Variants in CHD6 observed in about 807,000 individuals in gnomAD.
CHD6 encodes ATP-dependent chromatin remodeler CHD6.
In CHD6, 50 loss-of-function variants were observed where a neutral mutation model predicts 276.9. That is an observed-to-expected ratio of 0.18 (90% CI 0.14 to 0.23). CHD6 has a LOEUF of 0.23. Ranked by LOEUF, CHD6 falls within the 10% of genes least tolerant of loss-of-function variation. The pLI is 1.00. For missense variants in CHD6, 2,564 were observed against 3,365.8 expected, an observed-to-expected ratio of 0.76 and a Z score of 5.89; for synonymous variants, 1,173 against 1,229.3, an observed-to-expected ratio of 0.95 and a Z score of 0.96.
chr20:41,447,122 C>G (rs983620945), intron 24 of CHD6, among the ~76,000 whole-genome samples: 3 of 152,186 alleles, frequency 2.0e-5, no homozygotes, highest in Admixed American at 6.5e-5. Flanking sequence ...GTCGGGTTGT[C>G]TATGTCCCTC....
chr20:41,473,746 C>A lies in CHD6; in HGVS notation c.2469-229G>T, dbSNP rs1293615536. 2.0e-5 allele frequency among the ~76,000 whole-genome samples: 3 copies of A among 151,270 alleles called. No homozygotes were observed. The highest frequency in any genetic ancestry group is 7.3e-5 in the African/African-American group (3 of 41,218). ...CTCAAAACAGAACAAAACAAAAAAA[C>A]AAAACAAAGCAAAAAAAAACCAGCT... On this transcript the variant is annotated intron_variant, in intron 16 of 36. Transcript: ENST00000373233. The surrounding 1 kb of genome is among the most constrained non-coding windows in gnomAD (Gnocchi z 4.1).
intron 17 of CHD6, among the ~76,000 whole-genome samples, chr20:41,463,668 A>G (rs1278996734): frequency 6.6e-6 from 1 of 152,198 alleles, no homozygotes; most frequent in Non-Finnish European, 1.5e-5. Flanking sequence ...TAAAATAAAA[A>G]GAAAAACTGA....
chr20:41,615,346 T>C (rs868416734), intron 1 of CHD6, among the ~76,000 whole-genome samples: 50 of 126,486 alleles, frequency 4.0e-4, no homozygotes, highest in African/African-American at 1.8e-3. Context: ...TCACATTCCA[T>C]TGCAAAAAAA....
intron 1 of CHD6, among the ~76,000 whole-genome samples, chr20:41,586,894 T>G (rs1404017418): frequency 6.6e-6 from 1 of 152,176 alleles, no homozygotes; most frequent in Non-Finnish European, 1.5e-5. Flanking sequence ...TTCCCTTAAA[T>G]TCAGGAACAA....
In CHD6 at chr20:41,405,469, C is replaced by T. The variant is rs1015814931; in HGVS notation, c.7272G>A (p.Lys2424=). 31 of 1,553,302 alleles carry T rather than the reference C, an allele frequency of 2.0e-5. No individual in the cohort carries two copies. The highest frequency in any genetic ancestry group is 2.7e-5 in the Non-Finnish European group (31 of 1,151,556). The change falls in exon 37 of 37, where the codon AAG becomes AAA. Residue 2424 remains lysine, a synonymous_variant. Transcript: ENST00000373233. ...PGLRGFLPEN[K]FNHTLAEPIL... ...TAGGCTCAGCCAGAGTGTGATTGAACTTGTTTTCTGGAAGAAACCCCTGGA... is the reference window on the plus strand; with the variant it reads ...TAGGCTCAGCCAGAGTGTGATTGAATTTGTTTTCTGGAAGAAACCCCTGGA...
chr20:41,546,022 C>T (rs1335489471), intron 2 of CHD6, among the ~76,000 whole-genome samples: 2 of 152,124 alleles, frequency 1.3e-5, no homozygotes, highest in African/African-American at 4.8e-5. Flanking sequence ...ATATTTCATC[C>T]CCTGGTTACA....
At chr20:41,545,671 G>C (rs1601123756) in intron 2 of CHD6, among the ~76,000 whole-genome samples, 1 of 152,106 alleles carries the variant, frequency 6.6e-6, no homozygotes, top group South Asian at 2.1e-4. Flanking sequence ...TCTCTCCCTA[G>C]AGGATTTCTG....
rs1000746475 is a variant in CHD6 at position 41,567,649 on chromosome 20, A to G, written c.-23-16289T>C. Among the ~76,000 whole-genome samples the G allele has an allele frequency of 2.0e-5, 3 of 151,618 alleles. No individual in the cohort carries two copies. The East Asian group carries it at 5.8e-4, about 29-fold the overall frequency. On this transcript the variant is annotated intron_variant, in intron 1 of 36. Coordinates refer to ENST00000373233, the MANE Select transcript of CHD6 (RefSeq NM_032221.5). ...TGAGCATTTGGTACCAGGCCCTCCC[A>G]AAACACAGGAAGAGAGAAGTCAAAT...
chr20:41,516,296 A>T (rs193219993), intron 3 of CHD6, among the ~76,000 whole-genome samples: 1 of 152,092 alleles, frequency 6.6e-6, no homozygotes, highest in Non-Finnish European at 1.5e-5. Context: ...TGTAGCTGGG[A>T]TTACAGGTGT....
At chr20:41,457,813 G>C (rs1329816160) in intron 17 of CHD6, among the ~76,000 whole-genome samples, 1 of 152,094 alleles carries the variant, frequency 6.6e-6, no homozygotes, top group African/African-American at 2.4e-5. Context: ...TTAAAATTTT[G>C]CTACTGAAAT....
At chr20:41,462,802 A>G (rs1373239471) in intron 17 of CHD6, among the ~76,000 whole-genome samples, 2 of 152,258 alleles carry the variant, frequency 1.3e-5, no homozygotes, top group Admixed American at 1.3e-4. Flanking sequence ...ACACATATGC[A>G]TATTTATAGT....
chr20:41,535,810 G>A (rs1238845766), intron 2 of CHD6, among the ~76,000 whole-genome samples: 1 of 152,120 alleles, frequency 6.6e-6, no homozygotes, highest in African/African-American at 2.4e-5. Context: ...AAGTTACAAC[G>A]GGCTATGATT....
chr20:41,504,076 T>TGAAAAAAAAA (rs2043909527), intron 5 of CHD6, among the ~76,000 whole-genome samples: 1 of 25,682 alleles, frequency 3.9e-5, no homozygotes, highest in Non-Finnish European at 5.5e-5. Flanking sequence ...AGACTCTGTC[T>TGAAAAAAAAA]CAAAAAAAAA....
chr20:41,407,188 A>T (rs75199226), intron 36 of CHD6, among the ~76,000 whole-genome samples: 2,001 of 152,282 alleles, frequency 0.013, 21 homozygotes, highest in South Asian at 0.035. Flanking sequence ...CGGCCTTTTC[A>T]GGATTCTCCT....
chr20:41,428,671 T>C (rs958599452), intron 27 of CHD6, among the ~76,000 whole-genome samples: 1 of 152,150 alleles, frequency 6.6e-6, no homozygotes, highest in Non-Finnish European at 1.5e-5. Flanking sequence ...TGGCATAAAC[T>C]TCAGGTGGAA....
At chr20:41,448,643 C>A (rs1346094695) in intron 23 of CHD6, among the ~76,000 whole-genome samples, 2 of 152,274 alleles carry the variant, frequency 1.3e-5, no homozygotes, top group East Asian at 3.9e-4. Context: ...TCTTGGGCAT[C>A]CCGGCCTGCA....
At chr20:41,444,786 G>A (rs1569084565) in intron 25 of CHD6, among the ~76,000 whole-genome samples, 1 of 152,008 alleles carries the variant, frequency 6.6e-6, no homozygotes, top group African/African-American at 2.4e-5. Context: ...ACAACCCCTA[G>A]GTAGGCTGTT....
chr20:41,486,903 C>G (rs2043427960), intron 14 of CHD6, among the ~76,000 whole-genome samples: 1 of 152,014 alleles, frequency 6.6e-6, no homozygotes, highest in African/African-American at 2.4e-5. Flanking sequence ...CTGTTAAAAG[C>G]TGCCCATCCC....
At chr20:41,611,625 A>T (rs1001245200) in intron 1 of CHD6, among the ~76,000 whole-genome samples, 1 of 151,384 alleles carries the variant, frequency 6.6e-6, no homozygotes, top group African/African-American at 2.4e-5. Context: ...AAAAACTTGC[A>T]TTTCTTTTTT....
Sources: gnomAD v4.1 joint callset for allele counts (sites outside exome capture counted in the v4.1 genomes callset) on GRCh38, gnomAD v4.1.1 for gene constraint, Gnocchi (gnomAD v3.1) non-coding constraint, MANE v1.5 for transcripts, NCBI Gene and HGNC (gene_info 2026-07-23, HGNC 2026-07-21) for gene names.